The following ATP11A variants were observed in gnomAD, a reference collection of about 807,000 sequenced individuals.
ATP11A encodes the protein phospholipid-transporting ATPase IH.
ATP11A carries 81 observed loss-of-function variants against 154.4 expected under a neutral mutation model. That is an observed-to-expected ratio of 0.52 (90% CI 0.44 to 0.63). The LOEUF (loss-of-function observed/expected upper bound fraction) is 0.63. ATP11A is among the 30% of genes least tolerant of loss of function. The pLI, the probability that ATP11A is intolerant of heterozygous loss-of-function variation, is 0.00. For missense variants in ATP11A, 1,316 were observed against 1,474.3 expected (o/e 0.89, Z 1.76); for synonymous variants, 623 against 585.9 (o/e 1.06, Z -0.91).
rs764695576 is a variant in ATP11A at position 112,833,026 on chromosome 13, A to G, written c.1559+3A>G. On this transcript the variant is annotated splice_donor_region_variant and intron_variant, in intron 14 of 29. Coordinates refer to ENST00000375645, the MANE Select transcript of ATP11A (RefSeq NM_015205.3). ...GCGCTGGTCGAAGGTGTCCAGAGGT[A>G]CGTCGCGGGCCAAGGGTCTGCCTGG... 26 of 1,609,828 alleles carry G rather than the reference A, an allele frequency of 1.6e-5. No homozygotes were observed. The highest frequency in any genetic ancestry group is 5.0e-5 in the Admixed American group (3 of 59,868).
chr13:112,760,213 T>C (rs897390409), intron 1 of ATP11A, among the ~76,000 whole-genome samples: 1 of 152,248 alleles, frequency 6.6e-6, no homozygotes, highest in African/African-American at 2.4e-5. Flanking sequence ...TCTCTTGTTT[T>C]TCTCTAATTA....
At chr13:112,729,795 C>T (rs1890297208) in intron 1 of ATP11A, among the ~76,000 whole-genome samples, 1 of 152,248 alleles carries the variant, frequency 6.6e-6, no homozygotes. Context: ...GCTGGCCCCT[C>T]AGCTTGCGGG....
rs186552317 is a variant in ATP11A, at chr13:112,777,017, T to C, written c.40-8118T>C. 1.4e-3 allele frequency among the ~76,000 whole-genome samples: 208 copies of C among 152,348 alleles called. 3 individuals carry two copies. In the East Asian group the frequency reaches 0.033, roughly 24 times the overall value. ...CTTCTGAAACGCAGCGTCTTGCCCC[T>C]TGAGCCTCTCTGCACCGCGGGTTTG... is the stretch of plus-strand genomic sequence containing the variant. On this transcript the variant is annotated intron_variant, in intron 1 of 29. Transcript: ENST00000375645.
At chr13:112,862,353 C>G (rs995959692) in intron 24 of ATP11A, 87 bp from the exon 25 acceptor site, 11 of 1,521,920 alleles carry the variant, frequency 7.2e-6, no homozygotes, top group South Asian at 4.9e-5. Context: ...ATGAAGACAA[C>G]GTCCAGGGAT....
intron 2 of ATP11A, among the ~76,000 whole-genome samples, chr13:112,787,082 C>T (rs1344420643): frequency 1.4e-5 from 2 of 147,676 alleles, no homozygotes; most frequent in East Asian, 4.1e-4. Context: ...TGCGTAGACC[C>T]CTGTGGAGAC....
intron 1 of ATP11A, among the ~76,000 whole-genome samples, chr13:112,743,946 T>C (rs1362414692): frequency 6.6e-6 from 1 of 152,196 alleles, no homozygotes; most frequent in East Asian, 1.9e-4. Context: ...TATTTGGTTT[T>C]GATTGAACCA....
chr13:112,849,538 T>C (rs918341841), intron 17 of ATP11A, among the ~76,000 whole-genome samples: 5 of 152,252 alleles, frequency 3.3e-5, no homozygotes, highest in Non-Finnish European at 7.3e-5. Context: ...TTATGTAATT[T>C]TTCTGGTTTC....
At chr13:112,836,589 A>G (rs2079241269) in intron 16 of ATP11A, among the ~76,000 whole-genome samples, 1 of 152,214 alleles carries the variant, frequency 6.6e-6, no homozygotes, top group South Asian at 2.1e-4. Context: ...GCTTTTCTCC[A>G]TGCAGAGCTA....
chr13:112,739,600 C>T (rs921487866), intron 1 of ATP11A, among the ~76,000 whole-genome samples: 3 of 152,166 alleles, frequency 2.0e-5, no homozygotes, highest in South Asian at 4.1e-4. Flanking sequence ...ACCAATATGC[C>T]CTGCAATTCC....
chr13:112,783,972 C>T (rs1013409902), intron 1 of ATP11A, among the ~76,000 whole-genome samples: 1 of 152,180 alleles, frequency 6.6e-6, no homozygotes, highest in Admixed American at 6.5e-5. Context: ...CAGGGTTGAG[C>T]GACTCTTACC....
rs1452259515 is a variant in ATP11A, at chr13:112,767,546, G to A, written c.40-17589G>A. 2.6e-5 allele frequency among the ~76,000 whole-genome samples: 4 copies of A among 151,950 alleles called. No individual in the cohort carries two copies. In the East Asian group the frequency reaches 5.8e-4, roughly 22 times the overall value. On this transcript the variant is annotated intron_variant, in intron 1 of 29. Coordinates refer to ENST00000375645, the MANE Select transcript of ATP11A (RefSeq NM_015205.3). Reference sequence around the variant, plus strand: ...GCCCCTGTGGGAAGGTAGGGAGGATGTGGGGGTGCTGTTGGGAGCCTGGCT... The same window carrying A: ...GCCCCTGTGGGAAGGTAGGGAGGATATGGGGGTGCTGTTGGGAGCCTGGCT...
At chr13:112,776,089 C>T (rs1437462007) in intron 1 of ATP11A, among the ~76,000 whole-genome samples, 1 of 152,232 alleles carries the variant, frequency 6.6e-6, no homozygotes, top group Non-Finnish European at 1.5e-5. Flanking sequence ...GGCTCGGAGT[C>T]CGTGGCTGCT....
rs2080935669 is a variant in ATP11A at position 112,883,914 on chromosome 13, T to C, written c.*2048T>C. The C allele has an allele frequency of 1.3e-5, 2 of 152,652 alleles. No homozygotes were observed. The highest frequency in any genetic ancestry group is 4.8e-5 in the African/African-American group (2 of 41,476). 9.5% of individuals were successfully genotyped at this position (152,652 alleles called of 1,614,324 possible). A position where few individuals can be genotyped will look rare whatever the true frequency, so the allele number is the denominator to read the frequency against. On this transcript the variant is annotated 3_prime_UTR_variant, in exon 30 of 30. Coordinates refer to ENST00000375645, the MANE Select transcript of ATP11A (RefSeq NM_015205.3). Reference sequence around the variant, plus strand: ...CTCTGTATGTTCAGTTAACAAATTATTTGTAATGTATTTTTTTAGAAATCT... The same window carrying C: ...CTCTGTATGTTCAGTTAACAAATTACTTGTAATGTATTTTTTTAGAAATCT...
chr13:112,843,097 G>T (rs2140295691), intron 17 of ATP11A, among the ~76,000 whole-genome samples: 1 of 148,278 alleles, frequency 6.7e-6, no homozygotes, highest in African/African-American at 2.5e-5. Context: ...TCCTGTGAGA[G>T]GTCCTAACGC....
chr13:112,827,030 C>A, intron 12 of ATP11A, 139 bp downstream of exon 12: 1 of 808,632 alleles, frequency 1.2e-6, no homozygotes, highest in Non-Finnish European at 2.0e-6. Flanking sequence ...TTGTTTTGAA[C>A]CCTATTTATG....
At chr13:112,791,865 A>T (rs1307122325) in intron 2 of ATP11A, among the ~76,000 whole-genome samples, 1 of 151,906 alleles carries the variant, frequency 6.6e-6, no homozygotes, top group African/African-American at 2.4e-5. Context: ...GCTTTCCAGG[A>T]CCTTTGAGAA....
At chr13:112,842,014 CAG>C (rs1418431147) in intron 16 of ATP11A, among the ~76,000 whole-genome samples, 2 of 152,212 alleles carry the variant, frequency 1.3e-5, no homozygotes, top group African/African-American at 2.4e-5. Flanking sequence ...AGAGAAAAAA[CAG>C]AGTCCCGGAG....
rs1484564545 is a variant in ATP11A, at chr13:112,884,963, TGGG to T, written c.*3100_*3102del. 1 of 152,440 alleles carries T rather than the reference TGGG, an allele frequency of 6.6e-6. No homozygotes were observed. Among genetic ancestry groups the T allele is most frequent in the African/African-American group, 2.4e-5 (1 of 41,454 alleles). 9.4% of individuals were successfully genotyped at this position (152,440 alleles called of 1,614,324 possible). On this transcript the variant is annotated 3_prime_UTR_variant, in exon 30 of 30. Coordinates refer to ENST00000375645, the MANE Select transcript of ATP11A (RefSeq NM_015205.3). Reference sequence around the variant, plus strand: ...ACGCTCACTCATAGCCATGTCCACATGGGGGCTTGCACACAGGATCACTCACAT... The same window carrying T: ...ACGCTCACTCATAGCCATGTCCACATGGCTTGCACACAGGATCACTCACAT...
Position 112,803,875 on chromosome 13 carries a change from CT to C in ATP11A, c.163-1080del, listed in dbSNP as rs1281352316. 6.0e-4 allele frequency among the ~76,000 whole-genome samples: 67 copies of C among 111,374 alleles called. 1 individual carries two copies. The highest frequency in any genetic ancestry group is 1.0e-3 in the Non-Finnish European group (54 of 52,734). 73.1% of individuals were successfully genotyped at this position (111,374 alleles called of 152,430 possible). A position where few individuals can be genotyped will look rare whatever the true frequency, so the allele number is the denominator to read the frequency against. On this transcript the variant is annotated intron_variant, in intron 2 of 29. Coordinates refer to ENST00000375645, the MANE Select transcript of ATP11A (RefSeq NM_015205.3). ...TCCCCTCCTTTTCCTCCTTGCTTCCCTTCCTTCCCTCATTCCCCTCCTTCCC... is the reference window on the plus strand; with the variant it reads ...TCCCCTCCTTTTCCTCCTTGCTTCCCTCCTTCCCTCATTCCCCTCCTTCCC...
Sources: allele counts gnomAD v4.1 joint callset (sites outside exome capture counted in the v4.1 genomes callset), GRCh38; gene constraint gnomAD v4.1.1; transcripts MANE v1.5; gene names NCBI Gene and HGNC (gene_info 2026-07-23, HGNC 2026-07-21).